The following RPH3A variants were observed in gnomAD, a reference collection of about 807,000 sequenced individuals.
RPH3A encodes the protein rabphilin-3A.
In RPH3A, 48 loss-of-function variants were observed where a neutral mutation model predicts 102.2. That is an observed-to-expected ratio of 0.47 (90% CI 0.37 to 0.60). The LOEUF is 0.60. Among genes scored for constraint, RPH3A ranks in the 20% least tolerant of loss-of-function variants. The pLI is 0.00. For missense variants in RPH3A, 781 were observed against 910.1 expected (o/e 0.86, Z 1.83); for synonymous variants, 310 against 324.3 (o/e 0.96, Z 0.47).
At chr12:112,881,617 C>T (rs2136246848) in intron 14 of RPH3A, among the ~76,000 whole-genome samples, 155 bp from the exon 15 acceptor site, 1 of 152,346 alleles carries the variant, frequency 6.6e-6, no homozygotes, top group South Asian at 2.1e-4. Context: ...GTACTCTTTC[C>T]ATGATACTGC....
chr12:112,611,690 C>T (rs889236094), intron 1 of RPH3A, among the ~76,000 whole-genome samples: 1 of 152,168 alleles, frequency 6.6e-6, no homozygotes, highest in African/African-American at 2.4e-5. Context: ...AGGTTATCCA[C>T]CTACCTCAGC....
At chr12:112,644,920 A>G (rs893105571) in intron 1 of RPH3A, among the ~76,000 whole-genome samples, 1 of 152,228 alleles carries the variant, frequency 6.6e-6, no homozygotes, top group Non-Finnish European at 1.5e-5. Context: ...AAGCAGAATC[A>G]TGCCCTGGGG....
chr12:112,713,444 T>C (rs961314716), intron 1 of RPH3A, among the ~76,000 whole-genome samples: 3 of 152,154 alleles, frequency 2.0e-5, no homozygotes, highest in Non-Finnish European at 4.4e-5. Flanking sequence ...AAATCAACAG[T>C]GTGTAGAAAA....
rs573787673 is a variant in RPH3A, at chr12:112,799,112, A to G, written c.-19+6849A>G. On this transcript the variant is annotated intron_variant, in intron 2 of 21. Transcript: ENST00000389385. ...GTTAAAACTGAGAGGCAGACCAGGGATGATGGCTCGCACTTGTAAATCCCT... is the reference window on the plus strand; with the variant it reads ...GTTAAAACTGAGAGGCAGACCAGGGGTGATGGCTCGCACTTGTAAATCCCT... 3.3e-5 allele frequency among the ~76,000 whole-genome samples: 5 copies of G among 151,738 alleles called. No homozygotes were observed. The South Asian group carries it at 1.0e-3, about 32-fold the overall frequency.
intron 2 of RPH3A, among the ~76,000 whole-genome samples, chr12:112,816,886 G>GAC (rs2041681571): frequency 6.6e-6 from 1 of 152,142 alleles, no homozygotes; most frequent in Non-Finnish European, 1.5e-5. Flanking sequence ...GCTTCTACTT[G>GAC]ACAACGGCAT....
At chr12:112,632,218 A>G (rs1481764992) in intron 1 of RPH3A, among the ~76,000 whole-genome samples, 1 of 152,130 alleles carries the variant, frequency 6.6e-6, no homozygotes, top group Non-Finnish European at 1.5e-5. Context: ...CCCCAGCCAT[A>G]TGGAACTACA....
chr12:112,663,156 C>T (rs902390917), intron 1 of RPH3A, among the ~76,000 whole-genome samples: 1 of 151,418 alleles, frequency 6.6e-6, no homozygotes, highest in African/African-American at 2.4e-5. Flanking sequence ...TAAACCAAGC[C>T]TGATCTGAGT....
intron 19 of RPH3A, among the ~76,000 whole-genome samples, chr12:112,892,564 G>T (rs548348971): frequency 6.6e-6 from 1 of 152,348 alleles, no homozygotes; most frequent in South Asian, 2.1e-4. Context: ...GTCCCTGCTA[G>T]CGTCAGTTAT....
Position 112,847,787 on chromosome 12 carries a change from A to C in RPH3A, c.175A>C (p.Asn59His). Residue 59 changes from asparagine (N) to histidine (H), a missense_variant, in exon 5 of 22, where the codon AAC (asparagine) becomes CAC (histidine). Physicochemically the swap from Asn to His is moderately conservative, Grantham distance 68 (BLOSUM62 1). Coordinates refer to ENST00000389385, the MANE Select transcript of RPH3A (RefSeq NM_001143854.2). Reference sequence around the variant, plus strand: ...GACTGATGAGGAGAAAGAAATCATCAACAGGGTGATTGCTCGAGCTGAGAA... The same window carrying C: ...GACTGATGAGGAGAAAGAAATCATCCACAGGGTGATTGCTCGAGCTGAGAA... ...ELTDEEKEII[N>H]RVIARAEKME... 1.9e-6 allele frequency: 3 copies of C among 1,614,198 alleles called. No individual in the cohort carries two copies. The highest frequency in any genetic ancestry group is 2.5e-6 in the Non-Finnish European group (3 of 1,180,010).
At chr12:112,853,179 G>A (rs1332530765) in intron 5 of RPH3A, among the ~76,000 whole-genome samples, 1 of 152,114 alleles carries the variant, frequency 6.6e-6, no homozygotes, top group Non-Finnish European at 1.5e-5. Flanking sequence ...AACTTGCTAT[G>A]TCTAATTATC....
chr12:112,694,722 C>T (rs1046868318), intron 1 of RPH3A, among the ~76,000 whole-genome samples: 4 of 151,360 alleles, frequency 2.6e-5, no homozygotes, highest in Admixed American at 1.3e-4. Flanking sequence ...CTTGAAATGG[C>T]CTCTTCTTCC....
At chr12:112,655,064 T>C (rs994758615) in intron 1 of RPH3A, among the ~76,000 whole-genome samples, 2 of 152,214 alleles carry the variant, frequency 1.3e-5, no homozygotes, top group African/African-American at 2.4e-5. Context: ...TGCTGATTGA[T>C]ATGCTTGAAG....
At chr12:112,890,001 T>A in intron 17 of RPH3A, 23 bp from the exon 18 acceptor site, 1 of 1,610,858 alleles carries the variant, frequency 6.2e-7, no homozygotes. Context: ...AATGTTATCT[T>A]TTATTTGTTT....
intron 2 of RPH3A, among the ~76,000 whole-genome samples, chr12:112,809,003 G>A (rs1055702561): frequency 6.6e-6 from 1 of 152,130 alleles, no homozygotes; most frequent in African/African-American, 2.4e-5. Flanking sequence ...GGTTTGGATG[G>A]GGTCCTTGCA....
At chr12:112,860,457 G>A (rs1425990902) in intron 5 of RPH3A, among the ~76,000 whole-genome samples, 5 of 152,184 alleles carry the variant, frequency 3.3e-5, no homozygotes, top group African/African-American at 9.7e-5. Flanking sequence ...GAGGCCTTTT[G>A]GCGTCCAGGA....
chr12:112,760,142 T>C (rs1039311083), intron 1 of RPH3A, among the ~76,000 whole-genome samples: 21 of 152,272 alleles, frequency 1.4e-4, no homozygotes, highest in African/African-American at 4.8e-4. Context: ...TTTCTAGATT[T>C]TAAGCGTGGG....
intron 1 of RPH3A, among the ~76,000 whole-genome samples, chr12:112,704,390 C>A (rs978459000): frequency 1.3e-5 from 2 of 152,146 alleles, no homozygotes; most frequent in African/African-American, 4.8e-5. Flanking sequence ...GCGCTCAGCA[C>A]CTCCATCTTT....
chr12:112,755,195 G>C (rs192694827), intron 1 of RPH3A, among the ~76,000 whole-genome samples: 32 of 151,882 alleles, frequency 2.1e-4, no homozygotes, highest in African/African-American at 7.5e-4. Flanking sequence ...TATTCATCTA[G>C]TTCTCACTTC....
At chr12:112,820,334 C>G (rs975736224) in intron 2 of RPH3A, among the ~76,000 whole-genome samples, 4 of 152,164 alleles carry the variant, frequency 2.6e-5, no homozygotes, top group African/African-American at 9.7e-5. Context: ...GTTCCAAGTA[C>G]CACGTTTTCT....
Sources: gnomAD v4.1 joint callset for allele counts (sites outside exome capture counted in the v4.1 genomes callset) on GRCh38, gnomAD v4.1.1 for gene constraint, MANE v1.5 for transcripts, NCBI Gene and HGNC (gene_info 2026-07-23, HGNC 2026-07-21) for gene names.